EHMT1: variants seen among roughly 807,000 people sequenced by gnomAD.
EHMT1 encodes euchromatic histone lysine methyltransferase 1, also known as histone-lysine N-methyltransferase EHMT1.
EHMT1 carries 15 observed loss-of-function variants against 147.2 expected under a neutral mutation model. That is an observed-to-expected ratio of 0.10 (90% confidence interval 0.07 to 0.16). The LOEUF is 0.16. EHMT1 is among the 10% of genes least tolerant of loss of function. The probability of loss-of-function intolerance (pLI) is 1.00; values close to 1 mark genes in which losing one functional copy is unlikely to be tolerated. For synonymous variants in EHMT1, 795 were observed against 709.6 expected (o/e 1.12, Z -1.91); for missense variants, 1,587 against 1,772.4 (o/e 0.90, Z 1.88).
At chr9:137,721,926 G>A (rs9314638) in intron 3 of EHMT1, among the ~76,000 whole-genome samples, 24,810 of 151,518 alleles carry the variant, frequency 0.16, 6,603 homozygotes, top group African/African-American at 0.56. Context: ...GGATTGTGCT[G>A]TTGGTGTTGT....
At chr9:137,707,782 G>A (rs1181516061) in intron 1 of EHMT1, among the ~76,000 whole-genome samples, 1 of 152,232 alleles carries the variant, frequency 6.6e-6, no homozygotes, top group African/African-American at 2.4e-5. Flanking sequence ...GGTGCCTCCA[G>A]GAGGGGACAG....
At chr9:137,669,010 C>T (rs955771924) in intron 1 of EHMT1, among the ~76,000 whole-genome samples, 3 of 152,174 alleles carry the variant, frequency 2.0e-5, no homozygotes, top group Non-Finnish European at 4.4e-5. Flanking sequence ...CCTCAGCCTC[C>T]AGATTAGCTG....
chr9:137,797,106 T>C (rs1480629109), intron 16 of EHMT1, among the ~76,000 whole-genome samples: 1 of 152,054 alleles, frequency 6.6e-6, no homozygotes, highest in Non-Finnish European at 1.5e-5. Flanking sequence ...AGGATAGTGA[T>C]AACTTCTCGG....
In EHMT1 at chr9:137,834,859, C is replaced by T; in HGVS notation, c.3803C>T (p.Ala1268Val). 2.5e-6 allele frequency: 4 copies of T among 1,611,754 alleles called. No homozygotes were observed. The highest frequency in any genetic ancestry group is 1.1e-5 in the South Asian group (1 of 91,020). The change falls in exon 27 of 27, where the codon GCG becomes GTG. Residue 1268 changes from alanine (A) to valine (V), a missense_variant. Around this residue, in one of 7 missense-constraint regions of EHMT1, gnomAD observed 141 missense variants for 150.8 expected, o/e 0.94. Transcript: ENST00000460843. ...CGSPKCRHSS[A>V]ALAQRQASAA... ...TCCCCCAAGTGCCGGCACTCGAGCG[C>T]GGCCCTGGCCCAGCGTCAGGCCAGC... is the stretch of plus-strand genomic sequence containing the variant.
intron 10 of EHMT1, among the ~76,000 whole-genome samples, chr9:137,770,593 C>G (rs950066591): frequency 6.6e-6 from 1 of 152,210 alleles, no homozygotes; most frequent in African/African-American, 2.4e-5. Flanking sequence ...TCCCGTTGGA[C>G]ACCAGATACC....
At position 137,818,129 on chromosome 9, in the gene EHMT1, C is replaced by G. The variant is rs367655246; in HGVS notation, c.3531C>G (p.Leu1177=). The G allele has an allele frequency of 6.2e-7, 1 of 1,614,152 alleles. No individual in the cohort carries two copies. Among genetic ancestry groups the G allele is most frequent in the Non-Finnish European group, 8.5e-7 (1 of 1,180,016 alleles). Residue 1177 remains leucine (L), a synonymous_variant, in exon 25 of 27, where the codon CTC becomes CTG. Coordinates refer to ENST00000460843, the MANE Select transcript of EHMT1 (RefSeq NM_024757.5). ...VREEDSYLFD[L]DNKDGEVYCI... is the part of the protein sequence containing the mutation. The stretch of plus-strand genomic sequence containing the variant: ...AGGAAGATTCTTACCTCTTTGATCT[C>G]GACAATAAGGTAATGTGTTTTGTGG...
chr9:137,627,103 C>A (rs768003070), intron 1 of EHMT1, among the ~76,000 whole-genome samples: 1 of 152,050 alleles, frequency 6.6e-6, no homozygotes, highest in East Asian at 1.9e-4. Flanking sequence ...GGATTATAGG[C>A]GTGCGCCACC....
intron 21 of EHMT1, among the ~76,000 whole-genome samples, chr9:137,814,042 C>T (rs541476085): frequency 1.1e-4 from 14 of 129,854 alleles, no homozygotes; most frequent in Non-Finnish European, 9.8e-5. Context: ...CTTCCCAGGC[C>T]GGGCACTGCC....
chr9:137,774,650 C>G (rs1396378532), intron 10 of EHMT1, among the ~76,000 whole-genome samples: 1 of 142,604 alleles, frequency 7.0e-6, no homozygotes, highest in African/African-American at 2.7e-5. Context: ...CCCCCTGGAT[C>G]TGGTGGATGT....
intron 1 of EHMT1, among the ~76,000 whole-genome samples, chr9:137,625,723 G>A (rs943540762): frequency 2.0e-5 from 3 of 151,890 alleles, no homozygotes; most frequent in African/African-American, 7.3e-5. Context: ...TTAGTTTTCT[G>A]ATTTTAAGTA....
At chr9:137,801,032 GA>G (rs1398796499) in intron 18 of EHMT1, 48 bp downstream of exon 18, 1 of 1,521,634 alleles carries the variant, frequency 6.6e-7, no homozygotes, top group Admixed American at 1.7e-5. Context: ...GAGGGGTGGG[GA>G]CCTCCTCCCC....
Position 137,813,263 on chromosome 9 carries a change from C to T in EHMT1, c.3035+90C>T, listed in dbSNP as rs907505477. ...GTGAAAGCTGCTCCTGAAGCCGAAA[C>T]ATCCCCAGGCTGCAGTCCAAATTGT... On this transcript the variant is annotated intron_variant, in intron 20 of 26. Coordinates refer to ENST00000460843, the MANE Select transcript of EHMT1 (RefSeq NM_024757.5). This position sits in a 1 kb window ranked among gnomAD's most constrained non-coding sequence, Gnocchi z 4.9. The T allele has an allele frequency of 1.3e-6, 2 of 1,562,890 alleles. No individual in the cohort carries two copies. Among genetic ancestry groups the T allele is most frequent in the Admixed American group, 1.9e-5 (1 of 53,632 alleles).
In EHMT1 at chr9:137,690,633, G is replaced by A. The variant is rs528932181; in HGVS notation, c.22-20334G>A. 7.2e-5 allele frequency among the ~76,000 whole-genome samples: 11 copies of A among 152,106 alleles called. No homozygotes were observed. In the South Asian group the frequency reaches 1.0e-3, roughly 14 times the overall value. ...CGCCCAGGCTGGAGTGCAGTGGCGCGATCTCGGCTCACTGCAACCTCTGCC... is the reference window on the plus strand; with the variant it reads ...CGCCCAGGCTGGAGTGCAGTGGCGCAATCTCGGCTCACTGCAACCTCTGCC... On this transcript the variant is annotated intron_variant, in intron 1 of 26. Coordinates refer to ENST00000460843, the MANE Select transcript of EHMT1 (RefSeq NM_024757.5).
rs141784132 is a variant in EHMT1, at chr9:137,627,906, C to T, written c.21+8857C>T. Among the ~76,000 whole-genome samples, 7 of 152,208 alleles carry T rather than the reference C, an allele frequency of 4.6e-5. No homozygotes were observed. The East Asian group carries it at 5.8e-4, about 13-fold the overall frequency. On this transcript the variant is annotated intron_variant, in intron 1 of 26. Transcript: ENST00000460843. Reference sequence around the variant, plus strand: ...TGTATTTTTAGTAGAGAGGGAGTTTCGCCATGTTGGCCAGGCTGGTCTTGA... The same window carrying T: ...TGTATTTTTAGTAGAGAGGGAGTTTTGCCATGTTGGCCAGGCTGGTCTTGA...
chr9:137,806,332 C>T (rs545000855), intron 18 of EHMT1, among the ~76,000 whole-genome samples: 17 of 152,224 alleles, frequency 1.1e-4, no homozygotes, highest in African/African-American at 3.9e-4. Flanking sequence ...GTCCCTGCCA[C>T]GCTTCTCCAC....
intron 10 of EHMT1, among the ~76,000 whole-genome samples, chr9:137,767,677 G>A (rs1950302309): frequency 6.6e-6 from 1 of 152,140 alleles, no homozygotes; most frequent in Non-Finnish European, 1.5e-5. Context: ...GATGGGCGTG[G>A]TGGCGGGAGC....
intron 1 of EHMT1, among the ~76,000 whole-genome samples, chr9:137,637,924 C>T (rs138520188): frequency 6.6e-6 from 1 of 152,098 alleles, no homozygotes; most frequent in Non-Finnish European, 1.5e-5. Context: ...AGAATTTGTT[C>T]ATGGCATCCA....
At chr9:137,818,531 C>T (rs564484348) in intron 25 of EHMT1, among the ~76,000 whole-genome samples, 8 of 150,624 alleles carry the variant, frequency 5.3e-5, no homozygotes, top group African/African-American at 1.2e-4. Context: ...CGCCATGTAC[C>T]GAGACTGTAG....
rs1411594757 is a variant in EHMT1, at chr9:137,786,164, A to G, written c.2382+3767A>G. 6.6e-6 allele frequency: 1 copy of G among 152,242 alleles called. No individual in the cohort carries two copies. Among genetic ancestry groups the G allele is most frequent in the African/African-American group, 2.4e-5 (1 of 41,440 alleles). 9.4% of individuals were successfully genotyped at this position (152,242 alleles called of 1,614,324 possible). Reference sequence around the variant, plus strand: ...TGTGAGTTTAGTGCCGTGAAATAACATGATGTATTGGGAGGAAATCATTAT... The same window carrying G: ...TGTGAGTTTAGTGCCGTGAAATAACGTGATGTATTGGGAGGAAATCATTAT... On this transcript the variant is annotated intron_variant, in intron 15 of 26. Coordinates refer to ENST00000460843, the MANE Select transcript of EHMT1 (RefSeq NM_024757.5). The surrounding 1 kb of genome is among the most constrained non-coding windows in gnomAD (Gnocchi z 4.3).
Sources: gnomAD v4.1 joint callset for allele counts (sites outside exome capture counted in the v4.1 genomes callset) on GRCh38, gnomAD v4.1.1 for gene constraint, gnomAD v4.1.1 regional missense constraint, Gnocchi (gnomAD v3.1) non-coding constraint, MANE v1.5 for transcripts, NCBI Gene and HGNC (gene_info 2026-07-23, HGNC 2026-07-21) for gene names.